Variants in NKX2-5 observed in about 807,000 individuals in gnomAD.
NKX2-5 encodes NK2 homeobox 5, also known as homeobox protein Nkx-2.5.
A neutral mutation model predicts 24.5 loss-of-function variants in NKX2-5; 3 were observed. That is an observed-to-expected ratio of 0.12 (90% confidence interval 0.06 to 0.32). The LOEUF is 0.32. Among genes scored for constraint, NKX2-5 ranks in the 10% least tolerant of loss-of-function variants. NKX2-5 has a pLI of 1.00. For synonymous variants in NKX2-5, 215 were observed against 217.6 expected, an observed-to-expected ratio of 0.99 and a Z score of 0.11; for missense variants, 429 against 452.4, an observed-to-expected ratio of 0.95 and a Z score of 0.47.
chr5:173,233,458 T>TCA, intron 1 of NKX2-5: 2 of 1,493,084 alleles, frequency 1.3e-6, no homozygotes, highest in Non-Finnish European at 1.8e-6. Flanking sequence ...TCGGGGCAGT[T>TCA]CACACCCTGG....
At chr5:173,233,416 G>A (rs1761374675) in intron 1 of NKX2-5, 2 of 1,536,550 alleles carry the variant, frequency 1.3e-6, no homozygotes, top group Non-Finnish European at 1.7e-6. Context: ...CTGGCTCAAG[G>A]CGCTGGAGAA....
rs759744674 is a variant in NKX2-5 at position 173,232,293 on chromosome 5, A to C, written c.*276T>G. 1.8e-6 allele frequency: 1 copy of C among 550,660 alleles called. No homozygotes were observed. The highest frequency in any genetic ancestry group is 3.1e-6 in the Non-Finnish European group (1 of 320,978). 34.1% of individuals were successfully genotyped at this position (550,660 alleles called of 1,614,324 possible). A position where few individuals can be genotyped will look rare whatever the true frequency, so the allele number is the denominator to read the frequency against. ...GTGCCCGAGCTCAGTCCCAGTTCCA[A>C]CCGGGGGTGCCCATGGACTCTCGGA... On this transcript the variant is annotated 3_prime_UTR_variant, in exon 2 of 2. Coordinates refer to ENST00000329198, the MANE Select transcript of NKX2-5 (RefSeq NM_004387.4). The surrounding 1 kb of genome is among the most constrained non-coding windows in gnomAD (Gnocchi z 5.9).
At chr5:173,233,960 C>G (rs1243981921) in intron 1 of NKX2-5, 6 of 1,211,884 alleles carry the variant, frequency 5.0e-6, no homozygotes, top group Non-Finnish European at 2.1e-6. Context: ...CTGCCTTGGG[C>G]TGGGGGGTCT....
chr5:173,232,761 G>T lies in NKX2-5; in HGVS notation c.783C>A (p.Gly261=). ...AGCTGTAGCCAGGGCTGCAGGCCGCGCCGCCGTAACCCGGATAGGCGGGGT... is the reference window on the plus strand; with the variant it reads ...AGCTGTAGCCAGGGCTGCAGGCCGCTCCGCCGTAACCCGGATAGGCGGGGT... ...NAYPAYPGYG[G]AACSPGYSCT... The change falls in exon 2 of 2, where the codon GGC becomes GGA. Residue 261 remains glycine (G), a synonymous_variant. Transcript: ENST00000329198. The surrounding 1 kb of genome is among the most constrained non-coding windows in gnomAD (Gnocchi z 5.9). 1 of 1,604,992 alleles carries T rather than the reference G, an allele frequency of 6.2e-7. No homozygotes were observed.
intron 1 of NKX2-5, 41 bp from the exon 2 acceptor site, chr5:173,233,250 C>T (rs375144677): frequency 6.3e-7 from 1 of 1,587,076 alleles, no homozygotes; most frequent in Non-Finnish European, 8.5e-7. Flanking sequence ...TTGGTAAGAG[C>T]GGCTTGACCT....
chr5:173,233,580 A>G (rs964661670), intron 1 of NKX2-5: 3 of 754,918 alleles, frequency 4.0e-6, no homozygotes, highest in Non-Finnish European at 6.4e-6. Context: ...GAACTGAATT[A>G]GGGCTAGTTT....
chr5:173,234,602 G>A (rs1429283882), intron 1 of NKX2-5, 148 bp downstream of exon 1: 3 of 713,472 alleles, frequency 4.2e-6, no homozygotes, highest in Non-Finnish European at 6.3e-6. Context: ...CGGGAGCCTG[G>A]CGACAACACC....
In NKX2-5 at chr5:173,232,762, C is replaced by T; in HGVS notation, c.782G>A (p.Gly261Asp). 1.2e-6 allele frequency: 2 copies of T among 1,607,766 alleles called. No individual in the cohort carries two copies. The highest frequency in any genetic ancestry group is 8.5e-7 in the Non-Finnish European group (1 of 1,176,982). Reference sequence around the variant, plus strand: ...GCTGTAGCCAGGGCTGCAGGCCGCGCCGCCGTAACCCGGATAGGCGGGGTA... The same window carrying T: ...GCTGTAGCCAGGGCTGCAGGCCGCGTCGCCGTAACCCGGATAGGCGGGGTA... ...NAYPAYPGYGGAACSPGYSCT... is the reference protein window; with the variant it reads ...NAYPAYPGYGDAACSPGYSCT... Residue 261 changes from glycine to aspartate, a missense_variant, in exon 2 of 2, where the codon GGC becomes GAC. By Grantham distance (94) the Gly-to-Asp change is moderately conservative. This residue lies in a region of NKX2-5 where 183 missense variants were observed against 185.9 expected (regional missense o/e 0.98). Transcript: ENST00000329198. The surrounding 1 kb of genome is among the most constrained non-coding windows in gnomAD (Gnocchi z 5.9).
At chr5:173,234,354 G>T (rs1561620919) in intron 1 of NKX2-5, 2 of 949,942 alleles carry the variant, frequency 2.1e-6, no homozygotes, top group Middle Eastern at 5.4e-4. Flanking sequence ...CTGTTTAGCG[G>T]TTCTCATCAG....
chr5:173,234,632 C>T (rs1412809834), intron 1 of NKX2-5, 118 bp downstream of exon 1: 3 of 912,936 alleles, frequency 3.3e-6, no homozygotes, highest in Non-Finnish European at 4.6e-6. Context: ...ACATTCTGAA[C>T]CCCCCGCCGC....
intron 1 of NKX2-5, chr5:173,234,202 G>T: frequency 1.6e-6 from 2 of 1,262,834 alleles, no homozygotes; most frequent in Non-Finnish European, 2.0e-6. Context: ...TAAAATCAAG[G>T]CCCTCGATCC....
chr5:173,232,307 T>G lies in NKX2-5; in HGVS notation c.*262A>C. On this transcript the variant is annotated 3_prime_UTR_variant, in exon 2 of 2. Coordinates refer to ENST00000329198, the MANE Select transcript of NKX2-5 (RefSeq NM_004387.4). The surrounding 1 kb of genome is among the most constrained non-coding windows in gnomAD (Gnocchi z 5.9). Reference sequence around the variant, plus strand: ...TCCCAGTTCCAACCGGGGGTGCCCATGGACTCTCGGAGGGCACTCCTGGGG... The same window carrying G: ...TCCCAGTTCCAACCGGGGGTGCCCAGGGACTCTCGGAGGGCACTCCTGGGG... The G allele has an allele frequency of 1.7e-6, 1 of 591,990 alleles. No homozygotes were observed. Among genetic ancestry groups the G allele is most frequent in the Non-Finnish European group, 2.9e-6 (1 of 350,298 alleles). The allele number at this position is 591,990 out of a possible 1,614,324, so 36.7% of individuals were successfully genotyped here. A position where few individuals can be genotyped will look rare whatever the true frequency, so the allele number is the denominator to read the frequency against.
In NKX2-5 at chr5:173,233,056, A is replaced by G. The variant is rs757605578; in HGVS notation, c.488T>C (p.Leu163Pro). ...CAGCTGGTCGCGTTCGGGGGCCGAC[A>G]GGTACCGCTGCTGCTTGAAGCGCCG... ...LERRFKQQRY[L>P]SAPERDQLAS... Residue 163 changes from leucine (L) to proline (P), a missense_variant, in exon 2 of 2, where the codon CTG becomes CCG. By Grantham distance (98) the Leu-to-Pro change is moderately conservative. Coordinates refer to ENST00000329198, the MANE Select transcript of NKX2-5 (RefSeq NM_004387.4). The G allele has an allele frequency of 6.2e-7, 1 of 1,604,496 alleles. No homozygotes were observed. Among genetic ancestry groups the G allele is most frequent in the South Asian group, 1.1e-5 (1 of 90,036 alleles).
At chr5:173,234,102 G>T (rs949641351) in intron 1 of NKX2-5, 1 of 1,289,420 alleles carries the variant, frequency 7.8e-7, no homozygotes, top group East Asian at 5.6e-5. Flanking sequence ...ACTTTTCCAC[G>T]AGGGAACCTC....
At position 173,232,504 on chromosome 5, in the gene NKX2-5, C is replaced by A. The variant is rs1044783733; in HGVS notation, c.*65G>T. ...CAGGGTCATGTTGGGAGCCCCTTCT[C>A]CCCCCGAGAGTCAGGGAGCTGTTGA... On this transcript the variant is annotated 3_prime_UTR_variant, in exon 2 of 2. Coordinates refer to ENST00000329198, the MANE Select transcript of NKX2-5 (RefSeq NM_004387.4). This position sits in a 1 kb window ranked among gnomAD's most constrained non-coding sequence, Gnocchi z 5.9. 6.3e-7 allele frequency: 1 copy of A among 1,588,114 alleles called. No individual in the cohort carries two copies. The highest frequency in any genetic ancestry group is 8.5e-7 in the Non-Finnish European group (1 of 1,174,538).
chr5:173,233,376 C>T, intron 1 of NKX2-5, 167 bp from the exon 2 acceptor site: 2 of 1,537,032 alleles, frequency 1.3e-6, no homozygotes, highest in Middle Eastern at 1.7e-4. Context: ...GCCACCGACA[C>T]GTCTCACTCA....
rs72554029 is a variant in NKX2-5, at chr5:173,234,847, C to G, written c.237G>C (p.Pro79=). ...CGGGAAAGGCAGACGCACACTTGGC[C>G]GGTGAAGGCGCGCGGCCCAGCTCTG... ...LRAELGRAPS[P]AKCASAFPAA... Residue 79 remains proline, a synonymous_variant, in exon 1 of 2, where the codon CCG becomes CCC. Coordinates refer to ENST00000329198, the MANE Select transcript of NKX2-5 (RefSeq NM_004387.4). The G allele has an allele frequency of 1.3e-3, 2,098 of 1,588,730 alleles. 4 individuals are homozygous for G. Among genetic ancestry groups the G allele is most frequent in the Non-Finnish European group, 1.5e-3 (1,713 of 1,169,850 alleles).
At chr5:173,233,967 G>A (rs945498998) in intron 1 of NKX2-5, 4 of 1,214,102 alleles carry the variant, frequency 3.3e-6, no homozygotes, top group African/African-American at 1.6e-5. Context: ...GGGCTGGGGG[G>A]TCTCCCAGAA....
Position 173,232,653 on chromosome 5 carries a change from G to C in NKX2-5, c.891C>G (p.Val297=). 6.2e-7 allele frequency: 1 copy of C among 1,613,044 alleles called. No individual in the cohort carries two copies. The highest frequency in any genetic ancestry group is 8.5e-7 in the Non-Finnish European group (1 of 1,179,460). The change falls in exon 2 of 2, where the codon GTC becomes GTG. Residue 297 remains valine (V), a synonymous_variant. Transcript: ENST00000329198. This position sits in a 1 kb window ranked among gnomAD's most constrained non-coding sequence, Gnocchi z 5.9. ...AANNNFVNFG[V]GDLNAVQSPG... Reference sequence around the variant, plus strand: ...GGCTCTGAACCGCATTCAAGTCCCCGACGCCGAAGTTCACGAAGTTGTTGT... The same window carrying C: ...GGCTCTGAACCGCATTCAAGTCCCCCACGCCGAAGTTCACGAAGTTGTTGT...
Sources: gnomAD v4.1 joint callset for allele counts on GRCh38, gnomAD v4.1.1 for gene constraint, gnomAD v4.1.1 regional missense constraint, Gnocchi (gnomAD v3.1) non-coding constraint, MANE v1.5 for transcripts, NCBI Gene and HGNC (gene_info 2026-07-23, HGNC 2026-07-21) for gene names.